PIEZO1: variants seen among roughly 807,000 people sequenced by gnomAD.
PIEZO1 encodes piezo type mechanosensitive ion channel component 1 (Er blood group).
A neutral mutation model predicts 297.2 loss-of-function variants in PIEZO1; 296 were observed. That is an observed-to-expected ratio of 1.00 (90% CI 0.91 to 1.10). PIEZO1 has a LOEUF of 1.10. Among genes scored for constraint, PIEZO1 ranks in the 50% least tolerant of loss-of-function variants. The probability of loss-of-function intolerance (pLI) is 0.00; values close to 1 mark genes in which losing one functional copy is unlikely to be tolerated. For synonymous variants in PIEZO1, 2,427 were observed against 1,507.5 expected (o/e 1.61, Z -14.13); for missense variants, 5,018 against 3,455.5 (o/e 1.45, Z -11.34).
chr16:88,765,709 C>T (rs748460600), intron 1 of PIEZO1, among the ~76,000 whole-genome samples: 2 of 146,460 alleles, frequency 1.4e-5, no homozygotes, highest in Non-Finnish European at 3.0e-5. Flanking sequence ...CTCACTCTGT[C>T]GCCCGCCCAG....
chr16:88,726,221 C>T, intron 27 of PIEZO1, 63 bp downstream of exon 27: 1 of 1,386,238 alleles, frequency 7.2e-7, no homozygotes, highest in South Asian at 1.4e-5. Flanking sequence ...AGTGAGGAAC[C>T]TCCCATTGCC....
chr16:88,720,850 C>G (rs1912388951), intron 39 of PIEZO1, 102 bp from the exon 40 acceptor site: 6 of 1,304,270 alleles, frequency 4.6e-6, no homozygotes, highest in Admixed American at 2.9e-5. Flanking sequence ...GTTTGACAGA[C>G]AAGCAGACGG....
intron 5 of PIEZO1, chr16:88,740,674 C>G (rs1042372251): frequency 6.6e-6 from 1 of 152,312 alleles, no homozygotes; most frequent in Non-Finnish European, 1.5e-5. Context: ...TTGGGGAACC[C>G]CTTTCCCTCT....
rs912707774 is a variant in PIEZO1, at chr16:88,716,467, C to A, written c.6943G>T (p.Gly2315Cys). ...WNFQRDLAKGGTVEYANEKHM... is the reference protein window; with the variant it reads ...WNFQRDLAKGCTVEYANEKHM... ...TTCTCGTTGGCATACTCCACAGTGC[C>A]TCCCTTCGCCAGGTCCCTGGGGGTG... Residue 2315 changes from glycine to cysteine, a missense_variant, in exon 48 of 51, where the codon GGC becomes TGC. Physicochemically the swap from Gly to Cys is radical, Grantham distance 159. Coordinates refer to ENST00000301015, the MANE Select transcript of PIEZO1 (RefSeq NM_001142864.4). The A allele has an allele frequency of 3.9e-6, 6 of 1,548,204 alleles. No homozygotes were observed. Among genetic ancestry groups the A allele is most frequent in the Non-Finnish European group, 5.2e-6 (6 of 1,145,774 alleles).
At position 88,715,477 on chromosome 16, in the gene PIEZO1, C is replaced by A; in HGVS notation, c.*128G>T. On this transcript the variant is annotated 3_prime_UTR_variant, in exon 51 of 51. Coordinates refer to ENST00000301015, the MANE Select transcript of PIEZO1 (RefSeq NM_001142864.4). ...CAGCAGCATCAGGGCTCAGGCAGGCCGGGAGGATGCATCACAGCTGGCGGC... is the reference window on the plus strand; with the variant it reads ...CAGCAGCATCAGGGCTCAGGCAGGCAGGGAGGATGCATCACAGCTGGCGGC... 1.9e-6 allele frequency: 2 copies of A among 1,063,912 alleles called. No individual in the cohort carries two copies. The highest frequency in any genetic ancestry group is 1.4e-6 in the Non-Finnish European group (1 of 740,318). The allele number at this position is 1,063,912 out of a possible 1,614,324, so 65.9% of individuals were successfully genotyped here.
chr16:88,742,336 T>C lies in PIEZO1; in HGVS notation c.247A>G (p.Ile83Val). Residue 83 changes from isoleucine (I) to valine (V), a missense_variant, in exon 3 of 51, where the codon ATT becomes GTT. Transcript: ENST00000301015. ...AHLALQICLH[I>V]VPRLDQLLGP... ...AGGAGCTGGTCCAGGCGGGGCACAA[T>C]ATGCAGGCAGATCTGGAGGGCGAGA... The C allele has an allele frequency of 6.5e-7, 1 of 1,535,310 alleles. No homozygotes were observed. The highest frequency in any genetic ancestry group is 8.7e-7 in the Non-Finnish European group (1 of 1,146,606).
Position 88,716,503 on chromosome 16 carries a change from G to T in PIEZO1, c.6927-20C>A, listed in dbSNP as rs143153481. On this transcript the variant is annotated intron_variant, in intron 47 of 50. Transcript: ENST00000301015. ...AGGTCCCTGGGGGTGGGAACACAGC[G>T]TGACCCACTGTAGTGGGTCCACCCA... The T allele has an allele frequency of 5.8e-6, 9 of 1,540,680 alleles. No homozygotes were observed. The East Asian group carries it at 2.2e-4, about 38-fold the overall frequency.
intron 1 of PIEZO1, among the ~76,000 whole-genome samples, chr16:88,775,575 A>C (rs1452211417): frequency 1.3e-5 from 2 of 152,034 alleles, no homozygotes; most frequent in Non-Finnish European, 2.9e-5. Context: ...CTAACAATAC[A>C]AAAATTAGCC....
rs1425469717 is a variant in PIEZO1, at chr16:88,717,145, T to G, written c.6538A>C (p.Ile2180Leu). The G allele has an allele frequency of 1.9e-6, 3 of 1,551,320 alleles. No individual in the cohort carries two copies. Among genetic ancestry groups the G allele is most frequent in the South Asian group, 1.2e-5 (1 of 84,070 alleles). Reference protein sequence around the residue: ...IVKYGMGGLIILFLIAIIWFP... With the variant: ...IVKYGMGGLILLFLIAIIWFP... Reference sequence around the variant, plus strand: ...CAGATGATGGCGATGAGGAAGAGGATGATGAGGCCACCCATGCCGTACTTG... The same window carrying G: ...CAGATGATGGCGATGAGGAAGAGGAGGATGAGGCCACCCATGCCGTACTTG... The change falls in exon 45 of 51, where the codon ATC becomes CTC. Residue 2180 changes from isoleucine to leucine, a missense_variant. Transcript: ENST00000301015.
intron 2 of PIEZO1, 99 bp from the exon 3 acceptor site, chr16:88,742,521 C>T (rs1905752602): frequency 3.0e-6 from 4 of 1,320,622 alleles, no homozygotes; most frequent in Non-Finnish European, 4.1e-6. Context: ...GGCCAGAGCC[C>T]AGAGGCCTGA....
Position 88,719,810 on chromosome 16 carries a change from G to A in PIEZO1, c.6315C>T (p.Leu2105=). The A allele has an allele frequency of 1.3e-6, 2 of 1,550,536 alleles. No individual in the cohort carries two copies. The highest frequency in any genetic ancestry group is 4.9e-5 in the East Asian group (2 of 40,918). Residue 2105 remains leucine, a synonymous_variant, in exon 43 of 51, where the codon CTC becomes CTT. Coordinates refer to ENST00000301015, the MANE Select transcript of PIEZO1 (RefSeq NM_001142864.4). The part of the protein sequence containing the change: ...TKKYNHLNLF[L]FQGFRLVPFL... ...GGCGGACCTGCACTCACCCCTGGAAGAGGAAGAGGTTGAGATGATTGTACT... is the reference window on the plus strand; with the variant it reads ...GGCGGACCTGCACTCACCCCTGGAAAAGGAAGAGGTTGAGATGATTGTACT...
In PIEZO1 at chr16:88,720,263, G is replaced by A. The variant is rs1164321103; in HGVS notation, c.5970C>T (p.Asp1990=). The change falls in exon 42 of 51, where the codon GAC becomes GAT. Residue 1990 remains aspartate (D), a synonymous_variant. Transcript: ENST00000301015. ...GGTCGTCTGATAGGGAGGACGTGATGTCTGTGGCCGCCGAGTGCTTCTGTG... is the reference window on the plus strand; with the variant it reads ...GGTCGTCTGATAGGGAGGACGTGATATCTGTGGCCGCCGAGTGCTTCTGTG... The part of the protein sequence containing the change: ...WAFGKHSAAT[D]ITSSLSDDQV... The A allele has an allele frequency of 7.1e-6, 11 of 1,550,484 alleles. No individual in the cohort carries two copies. The highest frequency in any genetic ancestry group is 4.9e-5 in the East Asian group (2 of 40,924).
rs1328472749 is a variant in PIEZO1, at chr16:88,720,492, C to T, written c.5842G>A (p.Asp1948Asn). 20 of 1,550,262 alleles carry T rather than the reference C, an allele frequency of 1.3e-5. No homozygotes were observed. The highest frequency in any genetic ancestry group is 4.9e-5 in the East Asian group (2 of 40,936). Residue 1948 changes from aspartate (D) to asparagine (N), a missense_variant, in exon 41 of 51, where the codon GAC (aspartate) becomes AAC (asparagine). Asp to Asn is a conservative substitution (Grantham distance 23, BLOSUM62 1). Coordinates refer to ENST00000301015, the MANE Select transcript of PIEZO1 (RefSeq NM_001142864.4). ...GCGCGGTACTTGGTGTGCAGGATGT[C>T]GTGGAAGAAGCGCCGTAGCGGCCGA... ...TYRPLRRFFHDILHTKYRAAT... is the reference protein window; with the variant it reads ...TYRPLRRFFHNILHTKYRAAT...
chr16:88,764,020 A>T (rs190604787), intron 1 of PIEZO1, among the ~76,000 whole-genome samples: 8 of 152,220 alleles, frequency 5.3e-5, no homozygotes, highest in African/African-American at 1.7e-4. Flanking sequence ...CTGGGGGCCA[A>T]AGTGCACGAT....
At chr16:88,760,059 G>T (rs75061688) in intron 1 of PIEZO1, among the ~76,000 whole-genome samples, 29,162 of 96,898 alleles carry the variant, frequency 0.3, 2,837 homozygotes, top group Middle Eastern at 0.37. Context: ...CCCAGCGGAC[G>T]TGACACCTGG....
rs2242164 is a variant in PIEZO1 at position 88,741,470 on chromosome 16, G to A, written c.465+8C>T. The A allele has an allele frequency of 0.19, 298,388 of 1,531,568 alleles. 33,318 individuals are homozygous for A. The highest frequency in any genetic ancestry group is 0.54 in the East Asian group (22,213 of 40,846). The allele number at this position is 1,531,568 out of a possible 1,614,324, so 94.9% of individuals were successfully genotyped here. A position where few individuals can be genotyped will look rare whatever the true frequency, so the allele number is the denominator to read the frequency against. On this transcript the variant is annotated splice_region_variant and intron_variant, in intron 5 of 50. Coordinates refer to ENST00000301015, the MANE Select transcript of PIEZO1 (RefSeq NM_001142864.4). ...TCCCTGACACACGGGTGACGCAGCT[G>A]CCCTCACCAGCTCCCGTGGATGTGG...
Position 88,721,240 on chromosome 16 carries a change from T to A in PIEZO1, c.5594A>T (p.Asp1865Val), listed in dbSNP as rs1190154874. Residue 1865 changes from aspartate (D) to valine (V), a missense_variant, in exon 39 of 51, where the codon GAT becomes GTT. Coordinates refer to ENST00000301015, the MANE Select transcript of PIEZO1 (RefSeq NM_001142864.4). ...PEPQVELRPR[D>V]TRRISLRFRR... Reference sequence around the variant, plus strand: ...AAAACGTAGACTGATGCGCCTCGTATCACGGGGCCTGAGCTCCACTTGGGG... The same window carrying A: ...AAAACGTAGACTGATGCGCCTCGTAACACGGGGCCTGAGCTCCACTTGGGG... 1 of 1,541,236 alleles carries A rather than the reference T, an allele frequency of 6.5e-7. No homozygotes were observed. Among genetic ancestry groups the A allele is most frequent in the East Asian group, 2.4e-5 (1 of 40,880 alleles).
chr16:88,732,997 C>T (rs1298861044), intron 19 of PIEZO1: 1 of 579,840 alleles, frequency 1.7e-6, no homozygotes, highest in Non-Finnish European at 3.1e-6. Flanking sequence ...AGATGCCTGA[C>T]TGTCTCTCCC....
intron 1 of PIEZO1, among the ~76,000 whole-genome samples, chr16:88,758,130 C>G (rs1176588467): frequency 3.9e-5 from 6 of 152,148 alleles, no homozygotes; most frequent in African/African-American, 1.4e-4. Flanking sequence ...CCCACTATTT[C>G]AAGCATGGGT....
Sources: allele counts gnomAD v4.1 joint callset (sites outside exome capture counted in the v4.1 genomes callset), GRCh38; gene constraint gnomAD v4.1.1; transcripts MANE v1.5; gene names NCBI Gene and HGNC (gene_info 2026-07-23, HGNC 2026-07-21).